The following MYO3A variants were observed in gnomAD, a reference collection of about 807,000 sequenced individuals.
MYO3A encodes myosin-IIIa.
Under a neutral mutation model 192.7 loss-of-function variants are expected in MYO3A, and 180 were observed. The observed-to-expected ratio is 0.93, with a 90% CI of 0.83 to 1.06. The LOEUF (loss-of-function observed/expected upper bound fraction) is 1.06. Ranked by LOEUF, MYO3A falls within the 50% of genes least tolerant of loss-of-function variation. The pLI, the probability that MYO3A is intolerant of heterozygous loss-of-function variation, is 0.00. For missense variants in MYO3A, 1,896 were observed against 1,905.0 expected (o/e 1.00, Z 0.09); for synonymous variants, 628 against 645.3 (o/e 0.97, Z 0.41).
intron 7 of MYO3A, among the ~76,000 whole-genome samples, chr10:26,017,830 A>C (rs1842065338): frequency 6.6e-6 from 1 of 151,518 alleles, no homozygotes; most frequent in Non-Finnish European, 1.5e-5. Flanking sequence ...AGCAAAAACA[A>C]AAATTGAATA....
At chr10:26,195,278 C>G (rs899624984) in intron 32 of MYO3A, among the ~76,000 whole-genome samples, 2 of 152,118 alleles carry the variant, frequency 1.3e-5, no homozygotes, top group African/African-American at 4.8e-5. Flanking sequence ...CTTCCATATT[C>G]AAAAATCTAA....
At chr10:25,982,739 A>C (rs1392349847) in intron 4 of MYO3A, among the ~76,000 whole-genome samples, 1 of 152,224 alleles carries the variant, frequency 6.6e-6, no homozygotes, top group African/African-American at 2.4e-5. Context: ...TCCTAGTGAA[A>C]TGGAGAGAAC....
At chr10:26,179,244 G>A (rs1476669074) in intron 31 of MYO3A, among the ~76,000 whole-genome samples, 3 of 151,408 alleles carry the variant, frequency 2.0e-5, no homozygotes, top group Admixed American at 1.3e-4. Context: ...GATTACAGGC[G>A]ACCACCACCA....
chr10:26,204,067 C>A (rs148215156), intron 34 of MYO3A: 2 of 152,298 alleles, frequency 1.3e-5, no homozygotes, highest in African/African-American at 2.4e-5. Flanking sequence ...CTATTATCAT[C>A]TTTATTTGCT....
At chr10:26,131,063 C>A (rs762119502) in intron 20 of MYO3A, among the ~76,000 whole-genome samples, 6 of 152,184 alleles carry the variant, frequency 3.9e-5, no homozygotes, top group Admixed American at 1.3e-4. Context: ...ATGAGACTTA[C>A]AAATGATCCG....
At chr10:26,117,014 G>A (rs1357653780) in intron 17 of MYO3A, among the ~76,000 whole-genome samples, 2 of 152,156 alleles carry the variant, frequency 1.3e-5, no homozygotes, top group African/African-American at 2.4e-5. Flanking sequence ...ACCCCAAGAT[G>A]TACCTTTCAG....
At chr10:26,127,954 A>G (rs1839311379) in intron 19 of MYO3A, among the ~76,000 whole-genome samples, 1 of 152,050 alleles carries the variant, frequency 6.6e-6, no homozygotes, top group African/African-American at 2.4e-5. Flanking sequence ...TTTTAGTAAG[A>G]TTTTCAAAAT....
chr10:26,207,087 G>C (rs1413024368), intron 34 of MYO3A, among the ~76,000 whole-genome samples: 3 of 149,188 alleles, frequency 2.0e-5, no homozygotes, highest in Non-Finnish European at 4.4e-5. Flanking sequence ...TTTCTAAGTT[G>C]TATCAGTTTC....
At chr10:26,069,733 G>A (rs1835077884) in intron 12 of MYO3A, among the ~76,000 whole-genome samples, 2 of 152,018 alleles carry the variant, frequency 1.3e-5, no homozygotes. Context: ...GTTATCATGT[G>A]TGAGACATTA....
chr10:26,053,935 C>T (rs1031603094), intron 10 of MYO3A, among the ~76,000 whole-genome samples: 4 of 152,064 alleles, frequency 2.6e-5, no homozygotes, highest in Non-Finnish European at 4.4e-5. Flanking sequence ...TCCCAGACCT[C>T]GCAATCAAGA....
intron 31 of MYO3A, among the ~76,000 whole-genome samples, chr10:26,183,029 C>A (rs956219223): frequency 2.0e-5 from 3 of 152,088 alleles, no homozygotes; most frequent in African/African-American, 7.2e-5. Context: ...GTAATCCATG[C>A]GAGATGACAG....
chr10:25,951,886 G>A (rs184514914), intron 2 of MYO3A, among the ~76,000 whole-genome samples: 4 of 152,228 alleles, frequency 2.6e-5, no homozygotes, highest in African/African-American at 7.2e-5. Flanking sequence ...TAGAAATAAA[G>A]CCCTGCTTAC....
chr10:25,951,993 C>G (rs1837233112), intron 2 of MYO3A, 101 bp from the exon 3 acceptor site: 1 of 850,690 alleles, frequency 1.2e-6, no homozygotes, highest in Non-Finnish European at 1.9e-6. Context: ...TGAATATTTT[C>G]TATCATATCA....
At chr10:26,194,375 C>T (rs1339947095) in intron 32 of MYO3A, among the ~76,000 whole-genome samples, 1 of 152,142 alleles carries the variant, frequency 6.6e-6, no homozygotes, top group Non-Finnish European at 1.5e-5. Context: ...CTCTTCTTGT[C>T]CTCGAGCCAT....
chr10:26,207,130 A>G (rs550033045), intron 34 of MYO3A, among the ~76,000 whole-genome samples: 1 of 151,100 alleles, frequency 6.6e-6, no homozygotes, highest in South Asian at 2.1e-4. Context: ...CACTTACTAG[A>G]TGCATAGTTT....
chr10:25,987,393 G>A (rs983314837), intron 4 of MYO3A, among the ~76,000 whole-genome samples: 3 of 152,172 alleles, frequency 2.0e-5, no homozygotes, highest in African/African-American at 7.2e-5. Flanking sequence ...CTTCTGCGCA[G>A]CAAAAGAAAT....
intron 31 of MYO3A, among the ~76,000 whole-genome samples, chr10:26,177,380 A>G (rs1842388050): frequency 1.3e-5 from 2 of 152,252 alleles, no homozygotes; most frequent in South Asian, 4.2e-4. Flanking sequence ...ATGGCCTTGC[A>G]CACCACCAAA....
intron 2 of MYO3A, among the ~76,000 whole-genome samples, chr10:25,939,258 C>T (rs1175811380): frequency 1.3e-5 from 2 of 151,582 alleles, no homozygotes; most frequent in Non-Finnish European, 3.0e-5. Context: ...CTAGTTTTTT[C>T]TTGATCAATC....
intron 20 of MYO3A, among the ~76,000 whole-genome samples, chr10:26,129,509 A>T (rs1261640530): frequency 2.0e-5 from 3 of 152,150 alleles, no homozygotes; most frequent in Admixed American, 6.6e-5. Flanking sequence ...AAGCAAACAG[A>T]ATAAAAAACA....
Sources: gnomAD v4.1 joint callset for allele counts (sites outside exome capture counted in the v4.1 genomes callset) on GRCh38, gnomAD v4.1.1 for gene constraint, MANE v1.5 for transcripts, NCBI Gene and HGNC (gene_info 2026-07-23, HGNC 2026-07-21) for gene names.